The following LPP variants were observed in gnomAD, a reference collection of about 807,000 sequenced individuals.
The protein encoded by LPP is lipoma-preferred partner.
LPP carries 38 observed loss-of-function variants against 60.4 expected under a neutral mutation model. That is an observed-to-expected ratio of 0.63 (90% CI 0.49 to 0.83). The LOEUF (loss-of-function observed/expected upper bound fraction) is 0.83, where lower values mean the gene tolerates loss of function less well. Among genes scored for constraint, LPP ranks in the 40% least tolerant of loss-of-function variants. LPP has a pLI of 0.00. For synonymous variants in LPP, 328 were observed against 290.8 expected (o/e 1.13, Z -1.30); for missense variants, 902 against 783.6 (o/e 1.15, Z -1.80).
At chr3:188,162,840 G>C (rs1679197) in intron 1 of LPP, among the ~76,000 whole-genome samples, 116,305 of 152,024 alleles carry the variant, frequency 0.77, 45,252 homozygotes, top group East Asian at 0.99. Flanking sequence ...TTGTGGGGCT[G>C]AAAGGATTTA....
chr3:188,837,899 T>C (rs1577892182), intron 9 of LPP, among the ~76,000 whole-genome samples: 1 of 152,116 alleles, frequency 6.6e-6, no homozygotes, highest in Non-Finnish European at 1.5e-5. Flanking sequence ...CAGTGTGTTC[T>C]TTCTAACTTT....
rs1158816303 is a variant in LPP, at chr3:188,287,138, T to C, written c.-66-54525T>C. On this transcript the variant is annotated intron_variant, in intron 2 of 11. Coordinates refer to ENST00000617246, the MANE Select transcript of LPP (RefSeq NM_001375462.1). ...CTGGTCTCAAACTCCTGACCTCAAG[T>C]GATCCCCCCACCTCGGCTTCCCGAA... Among the ~76,000 whole-genome samples the C allele has an allele frequency of 3.9e-5, 6 of 152,360 alleles. No homozygotes were observed. The South Asian group carries it at 1.2e-3, about 32-fold the overall frequency.
chr3:188,559,903 G>A (rs1830295340), intron 6 of LPP, among the ~76,000 whole-genome samples: 1 of 151,980 alleles, frequency 6.6e-6, no homozygotes, highest in Admixed American at 6.6e-5. Context: ...CAGCTTTCCT[G>A]ACCTCCTACT....
intron 8 of LPP, among the ~76,000 whole-genome samples, chr3:188,744,806 G>T (rs1327049282): frequency 6.6e-6 from 1 of 151,878 alleles, no homozygotes; most frequent in Non-Finnish European, 1.5e-5. Context: ...GTATCTTCCT[G>T]CCTATAAAAC....
intron 8 of LPP, among the ~76,000 whole-genome samples, chr3:188,730,034 A>G (rs2150019375): frequency 6.6e-6 from 1 of 152,314 alleles, no homozygotes; most frequent in East Asian, 1.9e-4. Context: ...AGATTCAACT[A>G]AAAAATGGCC....
chr3:188,197,747 T>A (rs567722653), intron 1 of LPP, among the ~76,000 whole-genome samples: 2 of 152,218 alleles, frequency 1.3e-5, no homozygotes, highest in East Asian at 3.9e-4. Context: ...AGGAGCTGAC[T>A]GTGCTGAAGG....
At chr3:188,620,846 C>T (rs1206953321) in intron 7 of LPP, among the ~76,000 whole-genome samples, 1 of 152,174 alleles carries the variant, frequency 6.6e-6, no homozygotes, top group Non-Finnish European at 1.5e-5. Flanking sequence ...CTCTCAAATA[C>T]AAATCCATGT....
chr3:188,514,443 T>TA (rs1458038243), intron 5 of LPP, among the ~76,000 whole-genome samples: 3 of 132,482 alleles, frequency 2.3e-5, no homozygotes, highest in African/African-American at 7.7e-5. Context: ...TTTATTTTAT[T>TA]TTTTTTTTTA....
chr3:188,197,459 G>T (rs920008929), intron 1 of LPP, among the ~76,000 whole-genome samples: 9 of 152,162 alleles, frequency 5.9e-5, no homozygotes, highest in Non-Finnish European at 1.0e-4. Context: ...CAGGCACTCC[G>T]ATCCTTGCTT....
Position 188,165,319 on chromosome 3 carries a change from T to C in LPP, c.-190+11067T>C, listed in dbSNP as rs1017738732. On this transcript the variant is annotated intron_variant, in intron 1 of 11. Transcript: ENST00000617246. ...CTGATGGCTCTAATTGGATGGTAAC[T>C]CCCTAGGGACCTGGGGAAACTCAGA... Among the ~76,000 whole-genome samples the C allele has an allele frequency of 2.0e-5, 3 of 151,830 alleles. 1 individual carries two copies. Among genetic ancestry groups the C allele is most frequent in the Admixed American group, 6.6e-5 (1 of 15,236 alleles).
intron 2 of LPP, among the ~76,000 whole-genome samples, chr3:188,235,214 C>G (rs1488590550): frequency 6.6e-6 from 1 of 152,172 alleles, no homozygotes; most frequent in African/African-American, 2.4e-5. Flanking sequence ...CGGGTGCAAA[C>G]TCACTTTTTG....
At chr3:188,865,959 T>G (rs1302189822) in intron 9 of LPP, among the ~76,000 whole-genome samples, 2 of 152,220 alleles carry the variant, frequency 1.3e-5, no homozygotes, top group African/African-American at 4.8e-5. Context: ...CATCTAATTG[T>G]GTTTCCTTCT....
At chr3:188,802,357 A>G (rs770728936) in intron 9 of LPP, among the ~76,000 whole-genome samples, 2 of 152,216 alleles carry the variant, frequency 1.3e-5, no homozygotes, top group South Asian at 2.1e-4. Flanking sequence ...GAAACTTGCA[A>G]TAAGCTACCA....
At chr3:188,562,538 G>T (rs969663617) in intron 6 of LPP, 26 of 151,998 alleles carry the variant, frequency 1.7e-4, no homozygotes, top group African/African-American at 6.3e-4. Context: ...TGCAATGAAA[G>T]AATTGACAGC....
Position 188,887,761 on chromosome 3 carries a change from GA to G in LPP, c.*13285del, listed in dbSNP as rs1439816767. On this transcript the variant is annotated 3_prime_UTR_variant, in exon 12 of 12. Coordinates refer to ENST00000617246, the MANE Select transcript of LPP (RefSeq NM_001375462.1). ...TTGATGAAAGACATTTAGGACCCTA[GA>G]AACTAAATCTTGTCACCAAGACTTT... is the stretch of plus-strand genomic sequence containing the variant. 1 of 209,352 alleles carries G rather than the reference GA, an allele frequency of 4.8e-6. No homozygotes were observed. The highest frequency in any genetic ancestry group is 9.7e-6 in the Non-Finnish European group (1 of 103,004). The allele number at this position is 209,352 out of a possible 1,614,324, so 13.0% of individuals were successfully genotyped here.
At chr3:188,749,817 C>T (rs971992428) in intron 8 of LPP, among the ~76,000 whole-genome samples, 3 of 152,126 alleles carry the variant, frequency 2.0e-5, no homozygotes, top group African/African-American at 7.2e-5. Flanking sequence ...TTAATTTAGG[C>T]TAATTATAAT....
chr3:188,279,048 T>C (rs910018223), intron 2 of LPP, among the ~76,000 whole-genome samples: 8 of 152,218 alleles, frequency 5.3e-5, no homozygotes, highest in African/African-American at 1.7e-4. Context: ...GTTCATCTCA[T>C]CAGATATTTT....
chr3:188,634,607 C>T (rs1369108440), intron 7 of LPP, among the ~76,000 whole-genome samples: 2 of 152,182 alleles, frequency 1.3e-5, no homozygotes, highest in Non-Finnish European at 2.9e-5. Flanking sequence ...TGTCAGATTG[C>T]AGCGGTATTG....
Position 188,813,240 on chromosome 3 carries a change from A to G in LPP, c.1410+52958A>G, listed in dbSNP as rs151198019. ...CCTACTGGACTCCAGTGAGATTAGC[A>G]AATACCTTAGCTATTTCATTGCAAT... On this transcript the variant is annotated intron_variant, in intron 9 of 11. Transcript: ENST00000617246. 1.2e-4 allele frequency among the ~76,000 whole-genome samples: 18 copies of G among 152,324 alleles called. No homozygotes were observed. In the East Asian group the frequency reaches 3.5e-3, roughly 29 times the overall value.
Sources: allele counts gnomAD v4.1 joint callset (sites outside exome capture counted in the v4.1 genomes callset), GRCh38; gene constraint gnomAD v4.1.1; transcripts MANE v1.5; gene names NCBI Gene and HGNC (gene_info 2026-07-23, HGNC 2026-07-21).